RELN: variants seen among roughly 807,000 people sequenced by gnomAD.
RELN encodes reelin.
In RELN, 108 loss-of-function variants were observed where a neutral mutation model predicts 427.6. The ratio of observed to expected loss-of-function variants is 0.25; its 90% confidence interval spans 0.22 to 0.30. The LOEUF is 0.30. Ranked by LOEUF, RELN falls within the 10% of genes least tolerant of loss-of-function variation. The pLI, the probability that RELN is intolerant of heterozygous loss-of-function variation, is 1.00. For missense variants in RELN, 3,715 were observed against 4,302.8 expected (o/e 0.86, Z 3.82); for synonymous variants, 1,524 against 1,513.4 (o/e 1.01, Z -0.16).
intron 1 of RELN, among the ~76,000 whole-genome samples, chr7:103,977,111 G>A (rs1796894096): frequency 1.3e-5 from 2 of 151,962 alleles, no homozygotes; most frequent in Admixed American, 1.3e-4. Flanking sequence ...AGGAGTTCAA[G>A]ACCAGCCTGG....
intron 31 of RELN, among the ~76,000 whole-genome samples, chr7:103,568,035 G>T (rs904780451): frequency 1.3e-5 from 2 of 152,056 alleles, no homozygotes; most frequent in African/African-American, 4.8e-5. Context: ...GGGCTCAAGC[G>T]ATCTGCCTGC....
intron 2 of RELN, among the ~76,000 whole-genome samples, chr7:103,870,690 C>G (rs1345281980): frequency 6.6e-6 from 1 of 152,104 alleles, no homozygotes; most frequent in Non-Finnish European, 1.5e-5. Flanking sequence ...AAGACCAGAC[C>G]TTCAGTGTCC....
rs555072001 is a variant in RELN, at chr7:103,665,742, T to C, written c.1290-4215A>G. On this transcript the variant is annotated intron_variant, in intron 11 of 64. Transcript: ENST00000428762. ...TTGGTGTACCTTGTCAGTTTGGGGA[T>C]TCAAACCTTTAATCAGGTCTGGAAA... Among the ~76,000 whole-genome samples the C allele has an allele frequency of 2.0e-5, 3 of 152,266 alleles. No homozygotes were observed. The South Asian group carries it at 6.2e-4, about 32-fold the overall frequency.
At chr7:103,757,620 G>A (rs1239785258) in intron 4 of RELN, among the ~76,000 whole-genome samples, 1 of 152,180 alleles carries the variant, frequency 6.6e-6, no homozygotes, top group Non-Finnish European at 1.5e-5. Flanking sequence ...AGAAAGAATG[G>A]GATGGAATAC....
In RELN at chr7:103,519,325, G is replaced by C. The variant is rs116838125; in HGVS notation, c.7860C>G (p.Pro2620=). The change falls in exon 49 of 65, where the codon CCC becomes CCG. Residue 2620 remains proline (P), a splice_region_variant and synonymous_variant. Coordinates refer to ENST00000428762, the MANE Select transcript of RELN (RefSeq NM_005045.4). ...TAGATATCAAATCGAATACAAACCC[G>C]GGCTTACTGTACTGGTCATAGAAAA... ...MEIFYDQYSK[P]GFVNILLPPD... 3.1e-6 allele frequency: 5 copies of C among 1,611,418 alleles called. No homozygotes were observed. The highest frequency in any genetic ancestry group is 4.2e-6 in the Non-Finnish European group (5 of 1,177,642).
intron 3 of RELN, among the ~76,000 whole-genome samples, chr7:103,827,538 T>C (rs1219199149): frequency 6.6e-6 from 1 of 152,020 alleles, no homozygotes; most frequent in Non-Finnish European, 1.5e-5. Context: ...CCTCAAGCAT[T>C]TGACCATTTG....
Position 103,661,387 on chromosome 7 carries a change from T to A in RELN, c.1430A>T (p.Tyr477Phe). 1 of 1,613,934 alleles carries A rather than the reference T, an allele frequency of 6.2e-7. No homozygotes were observed. The highest frequency in any genetic ancestry group is 8.5e-7 in the Non-Finnish European group (1 of 1,179,912). The change falls in exon 12 of 65, where the codon TAC becomes TTC. Residue 477 changes from tyrosine to phenylalanine, a missense_variant. Tyr to Phe is a conservative substitution (Grantham distance 22). This residue lies in a region of RELN where 2,208 missense variants were observed against 2,361.7 expected (regional missense o/e 0.93). Transcript: ENST00000428762. Reference protein sequence around the residue: ...DTTGYGNLRFYFVMGGICDPG... With the variant: ...DTTGYGNLRFFFVMGGICDPG... ...GAAAATGTACTTACCCATCACAAAGTAAAACCTCAGGTTCCCATAACCGGT... is the reference window on the plus strand; with the variant it reads ...GAAAATGTACTTACCCATCACAAAGAAAAACCTCAGGTTCCCATAACCGGT...
intron 28 of RELN, among the ~76,000 whole-genome samples, chr7:103,581,299 C>A (rs1562903700): frequency 6.6e-6 from 1 of 152,086 alleles, no homozygotes; most frequent in South Asian, 2.1e-4. Flanking sequence ...CCCATTCCTT[C>A]CTTTTTGTTT....
chr7:103,773,183 TTTC>T (rs780106139), intron 4 of RELN, among the ~76,000 whole-genome samples: 14 of 128,244 alleles, frequency 1.1e-4, no homozygotes, highest in Non-Finnish European at 2.0e-4. Context: ...TCTTTCCTTC[TTTC>T]TTTTCTTTCT....
chr7:103,478,427 A>G (rs1409511042), intron 63 of RELN, 33 bp from the exon 64 acceptor site: 1 of 750,208 alleles, frequency 1.3e-6, no homozygotes, highest in Non-Finnish European at 2.4e-6. Context: ...AAATAATGAA[A>G]TATAACACAA....
At chr7:103,725,160 AT>A (rs1790174333) in intron 7 of RELN, among the ~76,000 whole-genome samples, 1 of 152,210 alleles carries the variant, frequency 6.6e-6, no homozygotes, top group African/African-American at 2.4e-5. Flanking sequence ...AAAGCTGTTC[AT>A]TCTGTACTTT....
chr7:103,794,004 T>C (rs2116282267), intron 3 of RELN, among the ~76,000 whole-genome samples: 1 of 152,250 alleles, frequency 6.6e-6, no homozygotes, highest in Admixed American at 6.5e-5. Flanking sequence ...TGGCCTCAAG[T>C]GATCCACCTG....
At chr7:103,751,924 T>C (rs1325284182) in intron 5 of RELN, among the ~76,000 whole-genome samples, 1 of 152,268 alleles carries the variant, frequency 6.6e-6, no homozygotes, top group East Asian at 1.9e-4. Flanking sequence ...ATGATTTCTT[T>C]TCATTCTTAT....
At chr7:103,631,515 A>G (rs1425253455) in intron 19 of RELN, among the ~76,000 whole-genome samples, 2 of 152,002 alleles carry the variant, frequency 1.3e-5, no homozygotes, top group Non-Finnish European at 2.9e-5. Context: ...GATGGTCTCA[A>G]TCTCCTAACC....
At chr7:103,764,099 C>T (rs536830633) in intron 4 of RELN, among the ~76,000 whole-genome samples, 2 of 152,198 alleles carry the variant, frequency 1.3e-5, no homozygotes, top group African/African-American at 4.8e-5. Context: ...TTGGGACGGA[C>T]TAAAGTTCAG....
intron 11 of RELN, among the ~76,000 whole-genome samples, chr7:103,681,447 C>T (rs967426460): frequency 6.6e-6 from 1 of 152,046 alleles, no homozygotes; most frequent in African/African-American, 2.4e-5. Context: ...ATAAATTTAC[C>T]TCCATATCAC....
At position 103,989,110 on chromosome 7, in the gene RELN, C is replaced by T; in HGVS notation, c.226+21G>A. 1.2e-6 allele frequency: 2 copies of T among 1,608,488 alleles called. No individual in the cohort carries two copies. Among genetic ancestry groups the T allele is most frequent in the Non-Finnish European group, 1.7e-6 (2 of 1,175,838 alleles). On this transcript the variant is annotated intron_variant, in intron 1 of 64. Coordinates refer to ENST00000428762, the MANE Select transcript of RELN (RefSeq NM_005045.4). The surrounding 1 kb of genome is among the most constrained non-coding windows in gnomAD (Gnocchi z 4.9). ...CGGGCGCACCCGGCGGCGGCGAGCG[C>T]GGAGGTGCTGCGGTACCTACCATGG...
At chr7:103,594,780 T>C (rs1584327420) in intron 25 of RELN, among the ~76,000 whole-genome samples, 2 of 152,192 alleles carry the variant, frequency 1.3e-5, no homozygotes, top group African/African-American at 4.8e-5. Context: ...ACCATGACAA[T>C]GGTCATAACT....
At chr7:103,681,956 A>T (rs1195080433) in intron 11 of RELN, among the ~76,000 whole-genome samples, 160 bp downstream of exon 11, 1 of 152,232 alleles carries the variant, frequency 6.6e-6, no homozygotes, top group Non-Finnish European at 1.5e-5. Flanking sequence ...ATAAGCTTAG[A>T]ATCTTTAGGG....
Sources: allele counts gnomAD v4.1 joint callset (sites outside exome capture counted in the v4.1 genomes callset), GRCh38; gene constraint gnomAD v4.1.1; regional missense constraint gnomAD v4.1.1; non-coding constraint Gnocchi (gnomAD v3.1); transcripts MANE v1.5; gene names NCBI Gene and HGNC (gene_info 2026-07-23, HGNC 2026-07-21).